Variants in WWOX observed in about 807,000 individuals in gnomAD.
The protein encoded by WWOX is WW domain containing oxidoreductase, also known as WW domain-containing oxidoreductase.
Under a neutral mutation model 46.2 loss-of-function variants are expected in WWOX, and 69 were observed. The ratio of observed to expected loss-of-function variants is 1.49; its 90% CI spans 1.23 to 1.82. The LOEUF (loss-of-function observed/expected upper bound fraction) is 1.82, where lower values mean the gene tolerates loss of function less well. Ranked by LOEUF, WWOX falls within the 40% of genes most tolerant of loss-of-function variation. The pLI is 0.00. For missense variants in WWOX, 919 were observed against 542.6 expected (o/e 1.69, Z -6.89); for synonymous variants, 359 against 202.6 (o/e 1.77, Z -6.56).
chr16:78,664,438 T>C (rs978007307), intron 8 of WWOX, among the ~76,000 whole-genome samples: 1 of 152,184 alleles, frequency 6.6e-6, no homozygotes, highest in Admixed American at 6.5e-5. Flanking sequence ...GTGGCTGCTT[T>C]GAGCTTCTTC....
intron 4 of WWOX, among the ~76,000 whole-genome samples, chr16:78,147,641 C>G (rs1254504651): frequency 6.8e-6 from 1 of 147,002 alleles, no homozygotes; most frequent in Non-Finnish European, 1.5e-5. Flanking sequence ...TGGTGAGAGC[C>G]AAGGTCAATC....
chr16:78,243,695 C>G (rs1314857427), intron 5 of WWOX, among the ~76,000 whole-genome samples: 1 of 152,132 alleles, frequency 6.6e-6, no homozygotes, highest in Admixed American at 6.5e-5. Context: ...TACAGGTGTG[C>G]ACCACCATGC....
At chr16:78,494,336 A>G (rs1490520701) in intron 8 of WWOX, among the ~76,000 whole-genome samples, 3 of 152,170 alleles carry the variant, frequency 2.0e-5, no homozygotes, top group Non-Finnish European at 4.4e-5. Flanking sequence ...TTACAATTCA[A>G]CCTGAGACGT....
At chr16:78,522,491 C>T (rs1336630249) in intron 8 of WWOX, among the ~76,000 whole-genome samples, 1 of 152,304 alleles carries the variant, frequency 6.6e-6, no homozygotes, top group East Asian at 1.9e-4. Flanking sequence ...TCCGATGTCA[C>T]TCTTCTCTGT....
intron 8 of WWOX, among the ~76,000 whole-genome samples, chr16:79,051,917 G>C (rs2048174559): frequency 1.3e-5 from 2 of 152,220 alleles, no homozygotes; most frequent in Admixed American, 6.5e-5. Context: ...GCAAGCATTA[G>C]GTCATAGCCT....
chr16:79,177,921 G>C (rs1019726969), intron 8 of WWOX, among the ~76,000 whole-genome samples: 64 of 152,138 alleles, frequency 4.2e-4, no homozygotes, highest in African/African-American at 1.5e-3. Flanking sequence ...CTGGAGCCTG[G>C]GAAGTCCAAG....
At chr16:78,527,752 C>T (rs2043511952) in intron 8 of WWOX, among the ~76,000 whole-genome samples, 1 of 58,382 alleles carries the variant, frequency 1.7e-5, no homozygotes, top group Non-Finnish European at 4.3e-5. Flanking sequence ...AGTGATATTG[C>T]CTGCCAGGGA....
chr16:78,548,249 T>C (rs1237816365), intron 8 of WWOX, among the ~76,000 whole-genome samples: 1 of 151,778 alleles, frequency 6.6e-6, no homozygotes, highest in Non-Finnish European at 1.5e-5. Flanking sequence ...GCTAAGACTC[T>C]GCTGTTGATT....
intron 8 of WWOX, among the ~76,000 whole-genome samples, chr16:78,788,115 A>C (rs568869339): frequency 5.9e-5 from 9 of 152,216 alleles, no homozygotes; most frequent in Non-Finnish European, 1.3e-4. Context: ...CTCTTTTTAT[A>C]GTGTCTTTTG....
chr16:78,864,394 A>T (rs934927314), intron 8 of WWOX, among the ~76,000 whole-genome samples: 1 of 151,870 alleles, frequency 6.6e-6, no homozygotes, highest in African/African-American at 2.4e-5. Flanking sequence ...CAGCCTCCTG[A>T]GTAGATGGGA....
chr16:79,116,852 A>AT (rs894753111), intron 8 of WWOX, among the ~76,000 whole-genome samples: 47 of 152,156 alleles, frequency 3.1e-4, no homozygotes, highest in African/African-American at 1.1e-3. Context: ...CATCAGAAGA[A>AT]TACAGTATCT....
At chr16:78,261,770 ATGTATCTATC>A (rs1168740776) in intron 5 of WWOX, among the ~76,000 whole-genome samples, 2 of 132,594 alleles carry the variant, frequency 1.5e-5, no homozygotes, top group Non-Finnish European at 3.2e-5. Flanking sequence ...CTATCTATCT[ATGTATCTATC>A]TATCTATCTA....
At chr16:79,191,176 C>G (rs535750890) in intron 8 of WWOX, among the ~76,000 whole-genome samples, 15 of 152,244 alleles carry the variant, frequency 9.9e-5, no homozygotes, top group African/African-American at 3.6e-4. Context: ...GCCTCAGCTT[C>G]CCGAGTAGCT....
chr16:78,831,414 G>T (rs2051820647), intron 8 of WWOX, among the ~76,000 whole-genome samples: 1 of 152,206 alleles, frequency 6.6e-6, no homozygotes, highest in African/African-American at 2.4e-5. Context: ...ATGTAAAAAT[G>T]ATGTCTTAAG....
intron 8 of WWOX, among the ~76,000 whole-genome samples, chr16:78,915,893 C>T (rs1023251066): frequency 2.0e-5 from 3 of 152,146 alleles, no homozygotes; most frequent in African/African-American, 7.2e-5. Context: ...ATAGAAGAAG[C>T]CTGAATTTTA....
At chr16:79,159,617 C>G (rs1182807902) in intron 8 of WWOX, among the ~76,000 whole-genome samples, 1 of 152,156 alleles carries the variant, frequency 6.6e-6, no homozygotes, top group Non-Finnish European at 1.5e-5. Context: ...GATGAGTCCC[C>G]CAGAGATTGT....
At chr16:78,217,189 T>C (rs2036749755) in intron 5 of WWOX, among the ~76,000 whole-genome samples, 1 of 152,188 alleles carries the variant, frequency 6.6e-6, no homozygotes, top group African/African-American at 2.4e-5. Context: ...TGAGAGCCCA[T>C]TGCCCTGCAT....
At chr16:78,153,653 G>C (rs555467720) in intron 4 of WWOX, among the ~76,000 whole-genome samples, 8 of 152,026 alleles carry the variant, frequency 5.3e-5, no homozygotes, top group Non-Finnish European at 1.2e-4. Flanking sequence ...CCTTTTAATT[G>C]TGCCCAGTTA....
At chr16:78,656,535 G>T (rs1005334079) in intron 8 of WWOX, among the ~76,000 whole-genome samples, 3 of 152,170 alleles carry the variant, frequency 2.0e-5, no homozygotes, top group South Asian at 2.1e-4. Context: ...AGGAGCGAAG[G>T]AGGAGGTACT....
Sources: allele counts gnomAD v4.1 joint callset (sites outside exome capture counted in the v4.1 genomes callset), GRCh38; gene constraint gnomAD v4.1.1; transcripts MANE v1.5; gene names NCBI Gene and HGNC (gene_info 2026-07-23, HGNC 2026-07-21).